The following PHACTR1 variants were observed in gnomAD, a reference collection of about 807,000 sequenced individuals.
The protein encoded by PHACTR1 is RPEL repeat containing 1.
In PHACTR1, 16 loss-of-function variants were observed where a neutral mutation model predicts 69.2. The ratio of observed to expected loss-of-function variants is 0.23; its 90% confidence interval spans 0.16 to 0.35. The LOEUF (loss-of-function observed/expected upper bound fraction) is 0.35. Ranked by LOEUF, PHACTR1 falls within the 10% of genes least tolerant of loss-of-function variation. The pLI is 1.00. For synonymous variants in PHACTR1, 312 were observed against 284.5 expected, an observed-to-expected ratio of 1.10 and a Z score of -0.97; for missense variants, 510 against 734.7, an observed-to-expected ratio of 0.69 and a Z score of 3.54.
intron 4 of PHACTR1, among the ~76,000 whole-genome samples, chr6:12,867,477 G>A (rs1781574160): frequency 6.6e-6 from 1 of 152,146 alleles, no homozygotes; most frequent in South Asian, 2.1e-4. Flanking sequence ...ATGAATTCCA[G>A]CTCAGTTATT....
intron 5 of PHACTR1, among the ~76,000 whole-genome samples, chr6:13,080,187 C>A (rs184920541): frequency 6.6e-6 from 1 of 152,194 alleles, no homozygotes; most frequent in East Asian, 1.9e-4. Context: ...TTCCACCTGA[C>A]CCCTGACCCC....
chr6:13,148,824 T>A (rs1481121231), intron 5 of PHACTR1, among the ~76,000 whole-genome samples: 2 of 152,232 alleles, frequency 1.3e-5, no homozygotes, highest in Non-Finnish European at 2.9e-5. Context: ...CTGCTTGAGC[T>A]TCTTCAGGAA....
At chr6:12,811,315 G>C (rs996515262) in intron 4 of PHACTR1, among the ~76,000 whole-genome samples, 1 of 152,098 alleles carries the variant, frequency 6.6e-6, no homozygotes, top group Admixed American at 6.5e-5. Flanking sequence ...TGTAGCACTG[G>C]GTTTATTTAA....
intron 4 of PHACTR1, among the ~76,000 whole-genome samples, chr6:12,991,992 T>A (rs1163842897): frequency 6.6e-6 from 1 of 151,958 alleles, no homozygotes; most frequent in Non-Finnish European, 1.5e-5. Flanking sequence ...CTAATTAGTA[T>A]CTGCTATTTT....
intron 4 of PHACTR1, among the ~76,000 whole-genome samples, chr6:12,969,944 T>C (rs1319500730): frequency 1.3e-5 from 2 of 152,170 alleles, no homozygotes; most frequent in South Asian, 2.1e-4. Flanking sequence ...GCCTGGGTGA[T>C]AGAGTGAGAC....
At chr6:13,271,007 T>C (rs1210362277) in intron 10 of PHACTR1, among the ~76,000 whole-genome samples, 13 of 141,978 alleles carry the variant, frequency 9.2e-5, no homozygotes, top group Non-Finnish European at 1.9e-4. Context: ...CACATGCTTT[T>C]TTTTTTTCTT....
intron 4 of PHACTR1, among the ~76,000 whole-genome samples, chr6:12,921,813 AG>A: frequency 2.6e-4 from 1 of 3,818 alleles, no homozygotes; most frequent in Admixed American, 3.6e-3. Flanking sequence ...GGAGGGAGGG[AG>A]CAAGGGGGAA....
At chr6:12,874,723 T>C (rs1196055162) in intron 4 of PHACTR1, among the ~76,000 whole-genome samples, 1 of 152,120 alleles carries the variant, frequency 6.6e-6, no homozygotes, top group Non-Finnish European at 1.5e-5. Flanking sequence ...AAGAACAAAT[T>C]CAGTGGGTCT....
chr6:12,781,636 G>A (rs1770835082), intron 4 of PHACTR1, among the ~76,000 whole-genome samples: 2 of 152,202 alleles, frequency 1.3e-5, no homozygotes, highest in South Asian at 4.1e-4. Context: ...GGAGGGAGAT[G>A]CCACATGGCA....
rs540010695 is a variant in PHACTR1 at position 12,724,938 on chromosome 6, C to T, written c.103+6091C>T. Among the ~76,000 whole-genome samples the T allele has an allele frequency of 1.1e-4, 17 of 152,246 alleles. No homozygotes were observed. The South Asian group carries it at 2.5e-3, about 22-fold the overall frequency. ...TCCTAGTGACTCCTGCTAATGATTT[C>T]CCCTCTTTTATCATTTAAAATAACA... On this transcript the variant is annotated intron_variant, in intron 3 of 14. Coordinates refer to ENST00000332995, the MANE Select transcript of PHACTR1 (RefSeq NM_030948.6).
rs1416641710 is a variant in PHACTR1 at position 13,287,188 on chromosome 6, CCTTT to C, written c.*111_*114del. 5.5e-6 allele frequency: 6 copies of C among 1,097,586 alleles called. No individual in the cohort carries two copies. Among genetic ancestry groups the C allele is most frequent in the African/African-American group, 1.6e-5 (1 of 60,920 alleles). 68.0% of individuals were successfully genotyped at this position (1,097,586 alleles called of 1,614,324 possible). ...ATTACGATGTAAATCTTCTGAACTG[CCTTT>C]TTTTTAAAAAGAAGAAAAATCAAGG... is the stretch of plus-strand genomic sequence containing the variant. On this transcript the variant is annotated 3_prime_UTR_variant, in exon 15 of 15. Transcript: ENST00000332995.
chr6:12,907,926 A>G (rs1489357316), intron 4 of PHACTR1, among the ~76,000 whole-genome samples: 1 of 152,202 alleles, frequency 6.6e-6, no homozygotes, highest in Non-Finnish European at 1.5e-5. Flanking sequence ...GTATAATGGA[A>G]CATCAATGTC....
intron 8 of PHACTR1, among the ~76,000 whole-genome samples, chr6:13,216,942 A>G (rs1377162869): frequency 6.6e-6 from 1 of 152,154 alleles, no homozygotes; most frequent in Non-Finnish European, 1.5e-5. Flanking sequence ...AAGGAAGTGT[A>G]TTTTCAAAAG....
chr6:12,917,744 C>A (rs986766572), intron 4 of PHACTR1, among the ~76,000 whole-genome samples: 6 of 152,034 alleles, frequency 3.9e-5, no homozygotes, highest in Admixed American at 3.9e-4. Flanking sequence ...AACAGCAAGA[C>A]CCCATCCATA....
At chr6:12,733,660 A>C (rs1460532234) in intron 3 of PHACTR1, among the ~76,000 whole-genome samples, 1 of 152,230 alleles carries the variant, frequency 6.6e-6, no homozygotes, top group Non-Finnish European at 1.5e-5. Context: ...TATGGGGCTC[A>C]AATAGGATTA....
chr6:12,851,473 A>AG (rs1264369968), intron 4 of PHACTR1, among the ~76,000 whole-genome samples: 7 of 152,254 alleles, frequency 4.6e-5, no homozygotes, highest in Admixed American at 4.6e-4. Flanking sequence ...AGATTTCCTG[A>AG]GGGAAACAGA....
intron 4 of PHACTR1, among the ~76,000 whole-genome samples, chr6:13,048,076 C>T (rs951632015): frequency 2.0e-5 from 3 of 152,162 alleles, no homozygotes; most frequent in Non-Finnish European, 4.4e-5. Context: ...CAATCATTTC[C>T]ACCCTATGGG....
At chr6:12,884,256 C>G (rs1783407021) in intron 4 of PHACTR1, among the ~76,000 whole-genome samples, 1 of 152,206 alleles carries the variant, frequency 6.6e-6, no homozygotes, top group Non-Finnish European at 1.5e-5. Context: ...CACTACTATG[C>G]TCAGTCAATA....
chr6:12,750,227 G>A (rs954767094), intron 4 of PHACTR1, among the ~76,000 whole-genome samples: 2 of 152,172 alleles, frequency 1.3e-5, no homozygotes, highest in African/African-American at 4.8e-5. Flanking sequence ...CCGCTGCGGT[G>A]TTGGAGTGGG....
Sources: gnomAD v4.1 joint callset for allele counts (sites outside exome capture counted in the v4.1 genomes callset) on GRCh38, gnomAD v4.1.1 for gene constraint, MANE v1.5 for transcripts, NCBI Gene and HGNC (gene_info 2026-07-23, HGNC 2026-07-21) for gene names.